DENND1B: variants seen among roughly 807,000 people sequenced by gnomAD.
DENND1B encodes DENN domain-containing protein 1B.
A neutral mutation model predicts 90.1 loss-of-function variants in DENND1B; 59 were observed. That is an observed-to-expected ratio of 0.65 (90% CI 0.53 to 0.81). The LOEUF is 0.81. Ranked by LOEUF, DENND1B falls within the 40% of genes least tolerant of loss-of-function variation. DENND1B has a pLI of 0.00. For missense variants in DENND1B, 862 were observed against 912.6 expected (o/e 0.94, Z 0.71); for synonymous variants, 337 against 324.6 (o/e 1.04, Z -0.41).
chr1:197,756,467 C>G (rs1242742009), intron 2 of DENND1B, among the ~76,000 whole-genome samples: 2 of 148,856 alleles, frequency 1.3e-5, no homozygotes, highest in African/African-American at 5.0e-5. Flanking sequence ...CCCAGCTATT[C>G]AGGAGGCTGA....
chr1:197,749,831 T>G (rs980573502), intron 2 of DENND1B, among the ~76,000 whole-genome samples: 2 of 151,990 alleles, frequency 1.3e-5, no homozygotes, highest in Admixed American at 1.3e-4. Flanking sequence ...GTTTTTTGGG[T>G]TTTTTTGTTG....
intron 15 of DENND1B, among the ~76,000 whole-genome samples, chr1:197,554,198 C>T (rs1371849238): frequency 6.6e-6 from 1 of 150,870 alleles, no homozygotes; most frequent in Non-Finnish European, 1.5e-5. Flanking sequence ...TTTGTGGCAC[C>T]TAGAATTTGA....
chr1:197,562,300 C>T (rs1026323083), intron 15 of DENND1B, among the ~76,000 whole-genome samples: 1 of 151,900 alleles, frequency 6.6e-6, no homozygotes, highest in South Asian at 2.1e-4. Context: ...CACTTTACTG[C>T]ACTTCAAAGA....
chr1:197,609,868 C>T lies in DENND1B; in HGVS notation c.819+2063G>A, dbSNP rs549628176. Among the ~76,000 whole-genome samples the T allele has an allele frequency of 9.0e-4, 136 of 150,668 alleles. 1 individual carries two copies. Among genetic ancestry groups the T allele is most frequent in the African/African-American group, 3.0e-3 (124 of 41,336 alleles). ...GCCAGGCAAAATGCAAACATTTACT[C>T]AGTTCAGTCTTACATACTAAATATG... On this transcript the variant is annotated intron_variant, in intron 12 of 22. Coordinates refer to ENST00000620048, the MANE Select transcript of DENND1B (RefSeq NM_001195215.2).
At chr1:197,714,137 C>G (rs994249065) in intron 3 of DENND1B, among the ~76,000 whole-genome samples, 4 of 150,694 alleles carry the variant, frequency 2.7e-5, no homozygotes, top group African/African-American at 9.8e-5. Context: ...CCACCACACA[C>G]GGCTGTTTTG....
intron 2 of DENND1B, among the ~76,000 whole-genome samples, chr1:197,733,843 C>T (rs1362849830): frequency 6.6e-6 from 1 of 152,156 alleles, no homozygotes; most frequent in African/African-American, 2.4e-5. Context: ...GAACTCAATG[C>T]TTTAACAATC....
chr1:197,619,833 C>T (rs1169674024), intron 10 of DENND1B, among the ~76,000 whole-genome samples: 1 of 151,148 alleles, frequency 6.6e-6, no homozygotes, highest in Non-Finnish European at 1.5e-5. Flanking sequence ...TGCAGAGTCA[C>T]AAAATTTCTG....
chr1:197,603,601 G>A (rs1298487454), intron 13 of DENND1B, among the ~76,000 whole-genome samples: 1 of 150,980 alleles, frequency 6.6e-6, no homozygotes, highest in Non-Finnish European at 1.5e-5. Context: ...CAATTCTAAT[G>A]TGCTTTCATC....
chr1:197,605,764 T>A (rs935319073), intron 13 of DENND1B: 4 of 151,180 alleles, frequency 2.6e-5, no homozygotes, highest in Non-Finnish European at 4.4e-5. Context: ...ATTCATAGCA[T>A]AAGTTTTACT....
intron 2 of DENND1B, among the ~76,000 whole-genome samples, chr1:197,738,501 AC>A (rs1293842664): frequency 1.3e-5 from 2 of 152,162 alleles, no homozygotes; most frequent in Non-Finnish European, 2.9e-5. Context: ...CTCATAGAAG[AC>A]TTGGGTTATT....
intron 20 of DENND1B, among the ~76,000 whole-genome samples, chr1:197,524,910 T>G (rs564286410): frequency 1.6e-4 from 25 of 152,312 alleles, no homozygotes; most frequent in African/African-American, 6.0e-4. Flanking sequence ...ACTGACCCCT[T>G]TACAGACTGC....
At chr1:197,739,427 C>T (rs543379364) in intron 2 of DENND1B, among the ~76,000 whole-genome samples, 1 of 152,272 alleles carries the variant, frequency 6.6e-6, no homozygotes, top group South Asian at 2.1e-4. Context: ...AGGATTCAAG[C>T]CATACCATGA....
rs1326022102 is a variant in DENND1B at position 197,708,084 on chromosome 1, C to T, written c.126+6947G>A. On this transcript the variant is annotated intron_variant, in intron 3 of 22. Coordinates refer to ENST00000620048, the MANE Select transcript of DENND1B (RefSeq NM_001195215.2). ...CCTGGCTCAGAGGGTCCTACGCCCA[C>T]GGAATCGCGCTGATTGCTAGCACAG... 3.7e-5 allele frequency among the ~76,000 whole-genome samples: 5 copies of T among 136,644 alleles called. No homozygotes were observed. In the East Asian group the frequency reaches 1.1e-3, roughly 30 times the overall value. The allele number at this position is 136,644 out of a possible 152,430, so 89.6% of individuals were successfully genotyped here.
rs747583126 is a variant in DENND1B, at chr1:197,510,899, T to C, written c.1889A>G (p.Asn630Ser). 9 of 1,602,014 alleles carry C rather than the reference T, an allele frequency of 5.6e-6. No homozygotes were observed. In the South Asian group the frequency reaches 1.0e-4, roughly 18 times the overall value. ...GAGGGCACTATCGTCTTGCCCAAGA[T>C]TCCACTCTGCTTGGTCACCAGAACC... ...CGGSGDQAEW[N>S]LGQDDSALHG... Residue 630 changes from asparagine (N) to serine (S), a missense_variant, in exon 23 of 23, where the codon AAT becomes AGT. Asn to Ser is a conservative substitution (Grantham distance 46). Coordinates refer to ENST00000620048, the MANE Select transcript of DENND1B (RefSeq NM_001195215.2).
intron 2 of DENND1B, among the ~76,000 whole-genome samples, chr1:197,768,277 A>C (rs77210866): frequency 0.018 from 2,670 of 149,808 alleles, 54 homozygotes; most frequent in African/African-American, 0.046. Flanking sequence ...TCCTCCTCCT[A>C]CTACTACTGC....
intron 20 of DENND1B, among the ~76,000 whole-genome samples, chr1:197,517,724 AC>A (rs1445517326): frequency 1.3e-5 from 2 of 151,900 alleles, no homozygotes; most frequent in East Asian, 3.9e-4. Flanking sequence ...TAAAGCTCAT[AC>A]TACTTGCCTT....
intron 15 of DENND1B, among the ~76,000 whole-genome samples, chr1:197,574,972 C>A (rs1673527787): frequency 6.6e-6 from 1 of 152,118 alleles, no homozygotes; most frequent in African/African-American, 2.4e-5. Flanking sequence ...AATGCTAGAC[C>A]TAAAACCATA....
intron 2 of DENND1B, among the ~76,000 whole-genome samples, chr1:197,721,104 C>CAA (rs1034278663): frequency 3.0e-5 from 4 of 134,812 alleles, no homozygotes; most frequent in Non-Finnish European, 6.1e-5. Context: ...GAGTCTCACT[C>CAA]CGTTGCCCAG....
At chr1:197,611,344 T>G (rs1242446896) in intron 12 of DENND1B, among the ~76,000 whole-genome samples, 2 of 150,838 alleles carry the variant, frequency 1.3e-5, no homozygotes, top group African/African-American at 4.8e-5. Flanking sequence ...TTCAAGATCT[T>G]TCACTATAGG....
Sources: gnomAD v4.1 joint callset for allele counts (sites outside exome capture counted in the v4.1 genomes callset) on GRCh38, gnomAD v4.1.1 for gene constraint, MANE v1.5 for transcripts, NCBI Gene and HGNC (gene_info 2026-07-23, HGNC 2026-07-21) for gene names.